The following RGS6 variants were observed in gnomAD, a reference collection of about 807,000 sequenced individuals.
RGS6 encodes regulator of G protein signaling 6, also known as regulator of G-protein signaling 6.
RGS6 carries 30 observed loss-of-function variants against 78.5 expected under a neutral mutation model. The observed-to-expected ratio is 0.38, with a 90% CI of 0.29 to 0.52. The LOEUF (loss-of-function observed/expected upper bound fraction) is 0.52, where lower values mean the gene tolerates loss of function less well. Ranked by LOEUF, RGS6 falls within the 20% of genes least tolerant of loss-of-function variation. The probability of loss-of-function intolerance (pLI) is 0.85; values close to 1 mark genes in which losing one functional copy is unlikely to be tolerated. For missense variants in RGS6, 495 were observed against 609.7 expected (o/e 0.81, Z 1.98); for synonymous variants, 206 against 206.0 (o/e 1.00, Z 0.00).
At chr14:72,556,175 T>TGAGA (rs1240523553) in intron 17 of RGS6, among the ~76,000 whole-genome samples, 6 of 152,220 alleles carry the variant, frequency 3.9e-5, no homozygotes, top group African/African-American at 1.4e-4. Flanking sequence ...AAGAAATACC[T>TGAGA]GAGACTGGGT....
chr14:72,244,147 T>C (rs1385570499), intron 2 of RGS6, among the ~76,000 whole-genome samples: 1 of 151,840 alleles, frequency 6.6e-6, no homozygotes, highest in East Asian at 1.9e-4. Context: ...GACTGAAGAG[T>C]GATAGCGCAG....
chr14:71,943,703 C>G (rs958792970), intron 1 of RGS6, among the ~76,000 whole-genome samples: 1 of 152,176 alleles, frequency 6.6e-6, no homozygotes, highest in Non-Finnish European at 1.5e-5. Flanking sequence ...GAGACTGCTG[C>G]TGCATTGATA....
chr14:72,183,596 C>T (rs2097201944), intron 2 of RGS6, among the ~76,000 whole-genome samples: 1 of 152,078 alleles, frequency 6.6e-6, no homozygotes, highest in South Asian at 2.1e-4. Flanking sequence ...CATACATTTA[C>T]ATTACAGCAG....
At chr14:72,284,651 G>A (rs1162282013) in intron 2 of RGS6, among the ~76,000 whole-genome samples, 1 of 152,194 alleles carries the variant, frequency 6.6e-6, no homozygotes, top group East Asian at 1.9e-4. Flanking sequence ...GGAAAATGTG[G>A]GATTGAAGCC....
intron 2 of RGS6, among the ~76,000 whole-genome samples, chr14:72,203,428 A>G (rs2042018373): frequency 6.6e-6 from 1 of 152,214 alleles, no homozygotes; most frequent in Non-Finnish European, 1.5e-5. Flanking sequence ...TTATTATCTC[A>G]CAGCACTGTG....
chr14:72,255,524 A>T lies in RGS6; in HGVS notation c.85-96571A>T, dbSNP rs574142430. On this transcript the variant is annotated intron_variant, in intron 2 of 17. Transcript: ENST00000553525. The stretch of plus-strand genomic sequence containing the variant: ...TGAAGTGAATGGAGTTCTAGACTGA[A>T]GTCTCTGTTTAGGCAGACTCTGAAT... 2.0e-5 allele frequency among the ~76,000 whole-genome samples: 3 copies of T among 152,304 alleles called. No homozygotes were observed. The South Asian group carries it at 6.2e-4, about 32-fold the overall frequency.
chr14:72,374,369 T>G (rs2084179987), intron 3 of RGS6, among the ~76,000 whole-genome samples: 1 of 152,184 alleles, frequency 6.6e-6, no homozygotes, highest in South Asian at 2.1e-4. Context: ...AATAGTTTGC[T>G]GAGAATGATG....
At chr14:72,612,384 T>C in the RGS6 span, 1 of 490,436 alleles carries the variant, frequency 2.0e-6, no homozygotes, top group Non-Finnish European at 4.1e-6. Context: ...AGATAATCAT[T>C]CTATATTTTC....
intron 2 of RGS6, among the ~76,000 whole-genome samples, chr14:72,188,703 C>T (rs116200097): frequency 3.3e-5 from 5 of 152,304 alleles, no homozygotes; most frequent in African/African-American, 1.2e-4. Flanking sequence ...TGCGACACAG[C>T]CTCCATTTCT....
intron 2 of RGS6, among the ~76,000 whole-genome samples, chr14:72,152,221 TGA>T (rs1200791259): frequency 0.056 from 8,238 of 146,418 alleles, 226 homozygotes; most frequent in Middle Eastern, 0.086. Flanking sequence ...GGCAGCTGCA[TGA>T]GAGAGAGAGA....
chr14:72,270,799 C>T lies in RGS6; in HGVS notation c.85-81296C>T, dbSNP rs1393550169. On this transcript the variant is annotated intron_variant, in intron 2 of 17. Transcript: ENST00000553525. ...ACGCAGTTACACCTTTTCCCAAGTC[C>T]TCATTCTGCCACAAAAAACTTTTGA... 2.6e-5 allele frequency among the ~76,000 whole-genome samples: 4 copies of T among 152,284 alleles called. No individual in the cohort carries two copies. The East Asian group carries it at 7.7e-4, about 29-fold the overall frequency.
chr14:72,119,345 A>G (rs1463318237), intron 2 of RGS6, among the ~76,000 whole-genome samples: 2 of 152,216 alleles, frequency 1.3e-5, no homozygotes, highest in Admixed American at 6.5e-5. Context: ...GTTGAGTTTC[A>G]TAGGAAACCA....
intron 2 of RGS6, among the ~76,000 whole-genome samples, chr14:72,029,669 C>A (rs527732175): frequency 1.3e-5 from 2 of 152,228 alleles, no homozygotes; most frequent in East Asian, 1.9e-4. Flanking sequence ...TGTTCCAAAG[C>A]AATGCCTGGT....
intron 2 of RGS6, among the ~76,000 whole-genome samples, chr14:72,214,794 TA>T (rs34216603): frequency 6.6e-6 from 1 of 151,894 alleles, no homozygotes; most frequent in Admixed American, 6.6e-5. Flanking sequence ...CACTGTCTCT[TA>T]AAAAAACATG....
chr14:72,449,076 G>A (rs1269746653), intron 3 of RGS6, among the ~76,000 whole-genome samples: 1 of 152,148 alleles, frequency 6.6e-6, no homozygotes, highest in Non-Finnish European at 1.5e-5. Flanking sequence ...GCCTGAAGCT[G>A]TCCTCCCCAC....
At chr14:72,230,268 G>T (rs2049218651) in intron 2 of RGS6, among the ~76,000 whole-genome samples, 3 of 152,280 alleles carry the variant, frequency 2.0e-5, no homozygotes, top group East Asian at 3.9e-4. Context: ...TGGGAGTTAT[G>T]GTCAGTGTTG....
intron 2 of RGS6, among the ~76,000 whole-genome samples, chr14:72,238,249 G>T (rs1247301243): frequency 1.3e-5 from 2 of 152,166 alleles, no homozygotes; most frequent in African/African-American, 2.4e-5. Context: ...GCCAGCTAAG[G>T]TCTGAGGTTT....
chr14:71,947,358 G>C (rs1434409017), intron 1 of RGS6, among the ~76,000 whole-genome samples: 2 of 152,088 alleles, frequency 1.3e-5, no homozygotes, highest in Non-Finnish European at 2.9e-5. Flanking sequence ...GCCAATTCCA[G>C]GTTTTCATTT....
intron 17 of RGS6, among the ~76,000 whole-genome samples, chr14:72,548,106 C>T (rs750864456): frequency 2.6e-5 from 4 of 151,950 alleles, no homozygotes; most frequent in Admixed American, 6.6e-5. Context: ...CGTCTATGTC[C>T]GCTGGAAAGG....
Sources: gnomAD v4.1 joint callset for allele counts (sites outside exome capture counted in the v4.1 genomes callset) on GRCh38, gnomAD v4.1.1 for gene constraint, MANE v1.5 for transcripts, NCBI Gene and HGNC (gene_info 2026-07-23, HGNC 2026-07-21) for gene names.